The following IL1RAPL1 variants were observed in gnomAD, a reference collection of about 807,000 sequenced individuals.
IL1RAPL1 encodes interleukin-1 receptor accessory protein-like 1.
IL1RAPL1 carries 3 observed loss-of-function variants against 48.4 expected under a neutral mutation model. The observed-to-expected ratio is 0.06, with a 90% CI of 0.03 to 0.16. IL1RAPL1 has a LOEUF of 0.16. Ranked by LOEUF, IL1RAPL1 falls within the 10% of genes least tolerant of loss-of-function variation. IL1RAPL1 has a pLI of 1.00. For missense variants in IL1RAPL1, 349 were observed against 530.6 expected (o/e 0.66, Z 3.36); for synonymous variants, 185 against 187.7 (o/e 0.99, Z 0.12).
chrX:29,726,968 G>T (rs1927789261), intron 6 of IL1RAPL1, among the ~76,000 whole-genome samples: 1 of 112,101 alleles, frequency 8.9e-6, no homozygotes, highest in Admixed American at 9.4e-5. Context: ...GTCAAAGGTG[G>T]TACAGTCAGT....
At chrX:29,067,131 T>C (rs1251449871) in intron 2 of IL1RAPL1, among the ~76,000 whole-genome samples, 2 of 111,716 alleles carry the variant, frequency 1.8e-5, no homozygotes, top group Admixed American at 1.9e-4. Context: ...TCAGTAATTA[T>C]TGTTGTTTCC....
At chrX:28,697,437 T>C (rs1163774063) in intron 1 of IL1RAPL1, among the ~76,000 whole-genome samples, 3 of 111,094 alleles carry the variant, frequency 2.7e-5, no homozygotes, top group East Asian at 5.6e-4. Flanking sequence ...GTCTCTTAGA[T>C]TTTATGTCTT....
At chrX:28,972,514 G>A (rs1439717937) in intron 2 of IL1RAPL1, among the ~76,000 whole-genome samples, 4 of 111,089 alleles carry the variant, frequency 3.6e-5, no homozygotes, top group East Asian at 2.8e-4. Context: ...TGAGGCGGGC[G>A]GATCACAAGG....
chrX:29,942,838 CT>C (rs1933153680), intron 9 of IL1RAPL1, among the ~76,000 whole-genome samples: 1 of 110,877 alleles, frequency 9.0e-6, no homozygotes, highest in Non-Finnish European at 1.9e-5. Flanking sequence ...TCAGGCTGGT[CT>C]TGAACCCCTG....
intron 5 of IL1RAPL1, among the ~76,000 whole-genome samples, chrX:29,634,404 G>T (rs1924898962): frequency 9.0e-6 from 1 of 111,635 alleles, no homozygotes; most frequent in Non-Finnish European, 1.9e-5. Context: ...AGTGGCTCTG[G>T]ACTAGTGGAC....
rs569184924 is a variant in IL1RAPL1, at chrX:28,780,329, GTGTA to G, written c.-24-8987_-24-8984del. ...TCATTCTTTCAATCACAGTGTGTGT[GTGTA>G]TGTGTGTGTGTGTGTGTGTGTGTGT... On this transcript the variant is annotated intron_variant, in intron 1 of 10. Coordinates refer to ENST00000378993, the MANE Select transcript of IL1RAPL1 (RefSeq NM_014271.4). 3.7e-4 allele frequency among the ~76,000 whole-genome samples: 29 copies of G among 78,693 alleles called. No homozygotes were observed. The South Asian group carries it at 4.2e-3, about 11-fold the overall frequency. 68.3% of individuals were successfully genotyped at this position (78,693 alleles called of 115,157 possible).
chrX:28,795,504 A>G lies in IL1RAPL1; in HGVS notation c.82+6079A>G, dbSNP rs1240102340. On this transcript the variant is annotated intron_variant, in intron 2 of 10. Coordinates refer to ENST00000378993, the MANE Select transcript of IL1RAPL1 (RefSeq NM_014271.4). Reference sequence around the variant, plus strand: ...ATGCCTGCTTCATGGTGAGTTAAGGATAAAAGGCAGTATGAATGAATCTTC... The same window carrying G: ...ATGCCTGCTTCATGGTGAGTTAAGGGTAAAAGGCAGTATGAATGAATCTTC... Among the ~76,000 whole-genome samples the G allele has an allele frequency of 2.7e-5, 3 of 111,360 alleles. No individual in the cohort carries two copies. In the Admixed American group the frequency reaches 2.9e-4, roughly 11 times the overall value.
intron 2 of IL1RAPL1, among the ~76,000 whole-genome samples, chrX:29,257,542 T>G (rs1931778315): frequency 8.9e-6 from 1 of 111,975 alleles, no homozygotes; most frequent in Non-Finnish European, 1.9e-5. Context: ...CTGAAAGAGA[T>G]AAATCCCTAA....
chrX:29,139,245 T>A (rs1929195995), intron 2 of IL1RAPL1, among the ~76,000 whole-genome samples: 1 of 110,964 alleles, frequency 9.0e-6, no homozygotes, highest in Admixed American at 9.7e-5. Flanking sequence ...AGAAAAAAAA[T>A]TTATGGAGCA....
At chrX:29,728,533 A>G (rs1243838409) in intron 6 of IL1RAPL1, among the ~76,000 whole-genome samples, 2 of 112,012 alleles carry the variant, frequency 1.8e-5, no homozygotes, top group African/African-American at 3.2e-5. Context: ...AGAACAGAAA[A>G]TATTTTGTTA....
intron 2 of IL1RAPL1, among the ~76,000 whole-genome samples, chrX:29,228,220 AC>A (rs1931122571): frequency 1.3e-5 from 1 of 76,211 alleles, no homozygotes; most frequent in African/African-American, 4.9e-5. Flanking sequence ...ACACACACAC[AC>A]ACAACTGTGA....
At chrX:28,952,333 T>C (rs1177001224) in intron 2 of IL1RAPL1, among the ~76,000 whole-genome samples, 1 of 111,266 alleles carries the variant, frequency 9.0e-6, no homozygotes, top group African/African-American at 3.3e-5. Context: ...AATGGGCATT[T>C]AAAAAAGTTA....
intron 2 of IL1RAPL1, among the ~76,000 whole-genome samples, chrX:29,236,545 CTTTTTT>C (rs754996544): frequency 0.031 from 1,935 of 63,168 alleles, 91 homozygotes; most frequent in African/African-American, 0.12. Context: ...CTTTTTTTTT[CTTTTTT>C]TTTTTTTTTT....
chrX:29,561,554 C>T (rs774317055), intron 5 of IL1RAPL1, among the ~76,000 whole-genome samples: 5 of 111,844 alleles, frequency 4.5e-5, no homozygotes, highest in Admixed American at 1.9e-4. Flanking sequence ...TAAAAGTAGG[C>T]CTCTTGGGCA....
intron 2 of IL1RAPL1, among the ~76,000 whole-genome samples, chrX:28,915,281 A>G (rs1923461053): frequency 9.0e-6 from 1 of 111,324 alleles, no homozygotes; most frequent in Admixed American, 9.6e-5. Flanking sequence ...GTACCAGTCC[A>G]CAGCCTGGGG....
intron 1 of IL1RAPL1, among the ~76,000 whole-genome samples, chrX:28,707,670 T>C (rs1366847734): frequency 1.8e-5 from 2 of 112,279 alleles, no homozygotes; most frequent in Non-Finnish European, 3.8e-5. Flanking sequence ...GTGACATTGC[T>C]GTGAATGAGC....
At chrX:29,610,934 A>G (rs957553774) in intron 5 of IL1RAPL1, among the ~76,000 whole-genome samples, 1 of 112,425 alleles carries the variant, frequency 8.9e-6, no homozygotes, top group Non-Finnish European at 1.9e-5. Context: ...TAAGGGGCCT[A>G]GGGAGTCATG....
intron 2 of IL1RAPL1, among the ~76,000 whole-genome samples, chrX:28,923,591 A>G (rs950023116): frequency 3.6e-5 from 4 of 111,554 alleles, no homozygotes; most frequent in Non-Finnish European, 5.6e-5. Flanking sequence ...TGCAACTTAC[A>G]CTGAAATAAA....
intron 2 of IL1RAPL1, among the ~76,000 whole-genome samples, chrX:28,816,527 T>C (rs1159881029): frequency 9.0e-6 from 1 of 111,238 alleles, no homozygotes; most frequent in Non-Finnish European, 1.9e-5. Flanking sequence ...GTTATTTTGC[T>C]TAAGATAATG....
Sources: allele counts gnomAD v4.1 joint callset (sites outside exome capture counted in the v4.1 genomes callset), GRCh38; gene constraint gnomAD v4.1.1; transcripts MANE v1.5; gene names NCBI Gene and HGNC (gene_info 2026-07-23, HGNC 2026-07-21).